Variants in HLF observed in about 807,000 individuals in gnomAD.
HLF encodes hepatic leukemia factor.
HLF carries 3 observed loss-of-function variants against 22.6 expected under a neutral mutation model. That is an observed-to-expected ratio of 0.13 (90% CI 0.06 to 0.34). The LOEUF is 0.34. Ranked by LOEUF, HLF falls within the 10% of genes least tolerant of loss-of-function variation. The pLI, the probability that HLF is intolerant of heterozygous loss-of-function variation, is 1.00. For synonymous variants in HLF, 151 were observed against 151.8 expected, an observed-to-expected ratio of 0.99 and a Z score of 0.04; for missense variants, 299 against 389.2, an observed-to-expected ratio of 0.77 and a Z score of 1.95.
chr17:55,308,301 A>T (rs767050356), intron 2 of HLF, among the ~76,000 whole-genome samples: 1 of 152,240 alleles, frequency 6.6e-6, no homozygotes, highest in Non-Finnish European at 1.5e-5. Context: ...TTTACTTTCA[A>T]GTATCTCTGA....
At chr17:55,266,728 CTG>C (rs1402516631) in intron 1 of HLF, 9 of 551,748 alleles carry the variant, frequency 1.6e-5, no homozygotes, top group Admixed American at 6.4e-5. Context: ...GCAGTGGAGG[CTG>C]TGTTTCTCTG....
intron 2 of HLF, among the ~76,000 whole-genome samples, chr17:55,312,130 G>A (rs180898144): frequency 2.6e-5 from 4 of 152,300 alleles, no homozygotes; most frequent in South Asian, 2.1e-4. Flanking sequence ...ATGAACATGC[G>A]AGTGCAGGTG....
At chr17:55,289,356 C>G (rs1598396987) in intron 2 of HLF, among the ~76,000 whole-genome samples, 1 of 152,172 alleles carries the variant, frequency 6.6e-6, no homozygotes, top group Non-Finnish European at 1.5e-5. Flanking sequence ...CCCTCAATAT[C>G]GCTGCACAGA....
At chr17:55,319,083 T>C (rs1433315064) in intron 3 of HLF, 1 of 152,258 alleles carries the variant, frequency 6.6e-6, no homozygotes, top group Admixed American at 6.5e-5. Flanking sequence ...ATCGTTTTTT[T>C]ACCCTGTTGC....
At chr17:55,294,838 TA>T (rs2081097445) in intron 2 of HLF, among the ~76,000 whole-genome samples, 1 of 152,208 alleles carries the variant, frequency 6.6e-6, no homozygotes. Context: ...TCCTCCCTTT[TA>T]AAAAGCATTT....
At chr17:55,279,503 G>A (rs1485172250) in intron 2 of HLF, among the ~76,000 whole-genome samples, 1 of 152,128 alleles carries the variant, frequency 6.6e-6, no homozygotes, top group African/African-American at 2.4e-5. Flanking sequence ...GGTGGCCAAG[G>A]TGGGAAGATC....
intron 3 of HLF, among the ~76,000 whole-genome samples, chr17:55,317,040 T>C (rs1012083749): frequency 7.0e-5 from 10 of 143,584 alleles, no homozygotes; most frequent in Admixed American, 2.2e-4. Flanking sequence ...CGATCTCAGC[T>C]CACTGCAAGC....
At chr17:55,304,950 CA>C (rs1904474675) in intron 2 of HLF, among the ~76,000 whole-genome samples, 1 of 152,230 alleles carries the variant, frequency 6.6e-6, no homozygotes. Flanking sequence ...CTACCTCGTG[CA>C]GGACAGGCCC....
intron 2 of HLF, among the ~76,000 whole-genome samples, chr17:55,297,672 T>A (rs1258677321): frequency 6.7e-6 from 1 of 149,050 alleles, no homozygotes; most frequent in Non-Finnish European, 1.5e-5. Context: ...GGGGTGAGAG[T>A]CACCTACCCT....
intron 2 of HLF, among the ~76,000 whole-genome samples, chr17:55,314,557 A>G (rs1026630451): frequency 6.6e-6 from 1 of 152,172 alleles, no homozygotes; most frequent in Non-Finnish European, 1.5e-5. Context: ...CTTCTTGGCC[A>G]CATCTCTTGT....
chr17:55,306,537 A>AGTTGT (rs1555608779), intron 2 of HLF, among the ~76,000 whole-genome samples: 1 of 143,600 alleles, frequency 7.0e-6, no homozygotes, highest in African/African-American at 2.6e-5. Flanking sequence ...GCAAAAAGGA[A>AGTTGT]GTGTGTGTGT....
intron 2 of HLF, among the ~76,000 whole-genome samples, chr17:55,296,223 G>T (rs1257095301): frequency 6.6e-6 from 1 of 152,108 alleles, no homozygotes; most frequent in East Asian, 1.9e-4. Flanking sequence ...CATCCACAGG[G>T]GCTGTTTCCT....
chr17:55,315,722 C>T (rs557377643), intron 3 of HLF, among the ~76,000 whole-genome samples: 8 of 152,320 alleles, frequency 5.3e-5, no homozygotes, highest in African/African-American at 1.9e-4. Flanking sequence ...CTGCTCCTAT[C>T]TGCATGGAAA....
At chr17:55,270,552 A>T (rs62079901) in intron 2 of HLF, among the ~76,000 whole-genome samples, 1 of 152,220 alleles carries the variant, frequency 6.6e-6, no homozygotes, top group Non-Finnish European at 1.5e-5. Context: ...ATAAGTCCTC[A>T]GAAGGGAAGA....
chr17:55,296,113 G>C (rs1210780365), intron 2 of HLF, among the ~76,000 whole-genome samples: 3 of 152,128 alleles, frequency 2.0e-5, no homozygotes, highest in African/African-American at 7.2e-5. Context: ...ATTGCCTCCG[G>C]AGCACCACCT....
In HLF at chr17:55,265,479, A is replaced by T. The variant is rs368767485; in HGVS notation, c.-6A>T. On this transcript the variant is annotated 5_prime_UTR_variant, in exon 1 of 4. Transcript: ENST00000226067. The stretch of plus-strand genomic sequence containing the variant: ...TTTTAAGGGGAAAAAATTTGAGTGC[A>T]TCGCGATGGAGAAAATGTCCCGACC... 2.6e-6 allele frequency: 4 copies of T among 1,555,508 alleles called. No individual in the cohort carries two copies. In the African/African-American group the frequency reaches 4.1e-5, roughly 16 times the overall value.
chr17:55,302,982 G>T (rs974838497), intron 2 of HLF, among the ~76,000 whole-genome samples: 1 of 152,312 alleles, frequency 6.6e-6, no homozygotes, highest in Non-Finnish European at 1.5e-5. Context: ...AGAGTTGTTA[G>T]GAGGGCAGAA....
chr17:55,272,139 G>A (rs2080864375), intron 2 of HLF: 1 of 152,260 alleles, frequency 6.6e-6, no homozygotes, highest in Non-Finnish European at 1.5e-5. Context: ...GGCCAGCAGA[G>A]ATGACAGGAG....
intron 2 of HLF, among the ~76,000 whole-genome samples, chr17:55,279,476 G>A (rs2080933598): frequency 6.6e-6 from 1 of 152,108 alleles, no homozygotes; most frequent in Non-Finnish European, 1.5e-5. Context: ...GCTCACACCT[G>A]TAATCCCAGT....
Sources: gnomAD v4.1 joint callset for allele counts (sites outside exome capture counted in the v4.1 genomes callset) on GRCh38, gnomAD v4.1.1 for gene constraint, MANE v1.5 for transcripts, NCBI Gene and HGNC (gene_info 2026-07-23, HGNC 2026-07-21) for gene names.